Variants in AGAP1 observed in about 807,000 individuals in gnomAD.
AGAP1 encodes arf-GAP with GTPase, ANK repeat and PH domain-containing protein 1.
In AGAP1, 29 loss-of-function variants were observed where a neutral mutation model predicts 105.3. The observed-to-expected ratio is 0.28, with a 90% CI of 0.21 to 0.38. AGAP1 has a LOEUF of 0.38. AGAP1 is among the 10% of genes least tolerant of loss of function. The pLI, the probability that AGAP1 is intolerant of heterozygous loss-of-function variation, is 1.00. For missense variants in AGAP1, 998 were observed against 1,165.1 expected (o/e 0.86, Z 2.09); for synonymous variants, 509 against 485.9 (o/e 1.05, Z -0.63).
At position 236,001,647 on chromosome 2, in the gene AGAP1, G is replaced by A. The variant is rs1475014033; in HGVS notation, c.1645+33024G>A. ...GCCAGGGCCGGGAGACCAGGAGGCC[G>A]AGAGCGGTAGAACGTCACATCCTGG... On this transcript the variant is annotated intron_variant, in intron 13 of 17. Transcript: ENST00000304032. This position sits in a 1 kb window ranked among gnomAD's most constrained non-coding sequence, Gnocchi z 4.7. Among the ~76,000 whole-genome samples the A allele has an allele frequency of 2.6e-5, 4 of 152,158 alleles. No individual in the cohort carries two copies. Among genetic ancestry groups the A allele is most frequent in the East Asian group, 1.9e-4 (1 of 5,158 alleles).
chr2:235,616,493 T>C (rs942886597), intron 1 of AGAP1, among the ~76,000 whole-genome samples: 1 of 152,224 alleles, frequency 6.6e-6, no homozygotes, highest in Non-Finnish European at 1.5e-5. Flanking sequence ...TAAATTGAGA[T>C]AGCCATCTGG....
chr2:235,529,083 C>T (rs1574774685), intron 1 of AGAP1, among the ~76,000 whole-genome samples: 1 of 152,362 alleles, frequency 6.6e-6, no homozygotes, highest in East Asian at 1.9e-4. Context: ...GTCCCCTTGC[C>T]TGAGTCTCTA....
In AGAP1 at chr2:235,908,452, T is replaced by C. The variant is rs1273738319; in HGVS notation, c.1156-286T>C. On this transcript the variant is annotated intron_variant, in intron 10 of 17. Transcript: ENST00000304032. The surrounding 1 kb of genome is among the most constrained non-coding windows in gnomAD (Gnocchi z 4.4). The stretch of plus-strand genomic sequence containing the variant: ...AGAGTTCAAAAAATCAGATTTTGTG[T>C]GTAGACTTACTTCCTAATGACCCTT... Among the ~76,000 whole-genome samples the C allele has an allele frequency of 6.6e-6, 1 of 152,166 alleles. No individual in the cohort carries two copies. The highest frequency in any genetic ancestry group is 2.4e-5 in the African/African-American group (1 of 41,438).
intron 1 of AGAP1, among the ~76,000 whole-genome samples, chr2:235,495,924 C>T (rs1941299018): frequency 6.6e-6 from 1 of 152,200 alleles, no homozygotes; most frequent in Admixed American, 6.5e-5. Context: ...CCGGTAAGAC[C>T]TCTATTGAGG....
chr2:235,500,388 C>T (rs772818684), intron 1 of AGAP1, among the ~76,000 whole-genome samples: 9 of 152,206 alleles, frequency 5.9e-5, no homozygotes, highest in Non-Finnish European at 1.0e-4. Flanking sequence ...TGGAGCAGGA[C>T]GCACGAATGT....
At chr2:235,679,070 C>G (rs1249004425) in intron 1 of AGAP1, among the ~76,000 whole-genome samples, 2 of 152,182 alleles carry the variant, frequency 1.3e-5, no homozygotes, top group African/African-American at 4.8e-5. Context: ...AGAAAGAATG[C>G]TTTTCTGTTG....
chr2:235,541,617 C>T (rs1403037741), intron 1 of AGAP1, among the ~76,000 whole-genome samples: 2 of 151,656 alleles, frequency 1.3e-5, no homozygotes, highest in Admixed American at 6.6e-5. Context: ...TCTCGATCTC[C>T]TGACCTCGTG....
rs1418915755 is a variant in AGAP1 at position 235,934,020 on chromosome 2, C to G, written c.1483+3097C>G. ...GTACAGAAGGATTAAATGTCACTTG[C>G]TCAAAGTCACATCCTGTGAGGGGCC... On this transcript the variant is annotated intron_variant, in intron 12 of 17. Transcript: ENST00000304032. The surrounding 1 kb of genome is among the most constrained non-coding windows in gnomAD (Gnocchi z 4.9). 1.3e-5 allele frequency among the ~76,000 whole-genome samples: 2 copies of G among 152,196 alleles called. No individual in the cohort carries two copies. Among genetic ancestry groups the G allele is most frequent in the Non-Finnish European group, 2.9e-5 (2 of 68,032 alleles).
At position 235,934,462 on chromosome 2, in the gene AGAP1, A is replaced by C. The variant is rs1156664867; in HGVS notation, c.1483+3539A>C. Among the ~76,000 whole-genome samples the C allele has an allele frequency of 6.6e-6, 1 of 152,134 alleles. No homozygotes were observed. The highest frequency in any genetic ancestry group is 2.4e-5 in the African/African-American group (1 of 41,428). Reference sequence around the variant, plus strand: ...CCCCCTTTAGTGTGCTGCTTCGTCAAGTGGCCAGACCCCAGCAATGTTTAG... The same window carrying C: ...CCCCCTTTAGTGTGCTGCTTCGTCACGTGGCCAGACCCCAGCAATGTTTAG... On this transcript the variant is annotated intron_variant, in intron 12 of 17. Transcript: ENST00000304032. This position sits in a 1 kb window ranked among gnomAD's most constrained non-coding sequence, Gnocchi z 4.9.
rs1474709655 is a variant in AGAP1, at chr2:236,044,548, C to G, written c.1891+3707C>G. Reference sequence around the variant, plus strand: ...CCTCTCTCCTGGGCCTTTCTCATGTCTAGAATCCTGCCTTATTTCCCTTTG... The same window carrying G: ...CCTCTCTCCTGGGCCTTTCTCATGTGTAGAATCCTGCCTTATTTCCCTTTG... On this transcript the variant is annotated intron_variant, in intron 15 of 17. Coordinates refer to ENST00000304032, the MANE Select transcript of AGAP1 (RefSeq NM_001037131.3). The surrounding 1 kb of genome is among the most constrained non-coding windows in gnomAD (Gnocchi z 5.7). 6.6e-6 allele frequency among the ~76,000 whole-genome samples: 1 copy of G among 152,120 alleles called. No homozygotes were observed. The highest frequency in any genetic ancestry group is 2.4e-5 in the African/African-American group (1 of 41,402).
At chr2:235,863,239 C>G (rs1219721527) in intron 9 of AGAP1, among the ~76,000 whole-genome samples, 1 of 152,208 alleles carries the variant, frequency 6.6e-6, no homozygotes, top group Admixed American at 6.5e-5. Context: ...CTGGGAAGCC[C>G]TGTCAAATGG....
Position 235,670,656 on chromosome 2 carries a change from GCGACGAGGCCGC to G in AGAP1, c.164-38522_164-38511del, listed in dbSNP as rs1948351853. 7 of 644,036 alleles carry G rather than the reference GCGACGAGGCCGC, an allele frequency of 1.1e-5. No individual in the cohort carries two copies. In the East Asian group the frequency reaches 2.3e-4, roughly 21 times the overall value. 39.9% of individuals were successfully genotyped at this position (644,036 alleles called of 1,614,324 possible). A position where few individuals can be genotyped will look rare whatever the true frequency, so the allele number is the denominator to read the frequency against. On this transcript the variant is annotated intron_variant, in intron 1 of 17. Coordinates refer to ENST00000304032, the MANE Select transcript of AGAP1 (RefSeq NM_001037131.3). The stretch of plus-strand genomic sequence containing the variant: ...TCCGGGAGCCTGGCCTGGGCGCCGT[GCGACGAGGCCGC>G]GGCCGGGACCACCCTGGAGCCCGCG...
In AGAP1 at chr2:235,883,221, C is replaced by T. The variant is rs575842672; in HGVS notation, c.1051-124C>T. 5.6e-5 allele frequency: 40 copies of T among 720,666 alleles called. No individual in the cohort carries two copies. Among genetic ancestry groups the T allele is most frequent in the Non-Finnish European group, 9.3e-5 (39 of 419,974 alleles). The allele number at this position is 720,666 out of a possible 1,614,324, so 44.6% of individuals were successfully genotyped here. Reference sequence around the variant, plus strand: ...AACTAATGGCATATCTTTTAGCATTCGCCAGTATCACAGAGTGAAGTTCTG... The same window carrying T: ...AACTAATGGCATATCTTTTAGCATTTGCCAGTATCACAGAGTGAAGTTCTG... On this transcript the variant is annotated intron_variant, in intron 9 of 17. Transcript: ENST00000304032. The surrounding 1 kb of genome is among the most constrained non-coding windows in gnomAD (Gnocchi z 4.5).
chr2:235,867,535 C>CAG lies in AGAP1; in HGVS notation c.1051-15809_1051-15808dup, dbSNP rs2049230808. Among the ~76,000 whole-genome samples, 1 of 40,172 alleles carries CAG rather than the reference C, an allele frequency of 2.5e-5. No individual in the cohort carries two copies. The highest frequency in any genetic ancestry group is 4.9e-5 in the Non-Finnish European group (1 of 20,576). 26.4% of individuals were successfully genotyped at this position (40,172 alleles called of 152,430 possible). ...GATCATACACCTTATGCTGGTGCTGCAGTGTGTGTGTGTGTGTGTGTGTGT... is the reference window on the plus strand; with the variant it reads ...GATCATACACCTTATGCTGGTGCTGCAGAGTGTGTGTGTGTGTGTGTGTGTGT... On this transcript the variant is annotated intron_variant, in intron 9 of 17. Coordinates refer to ENST00000304032, the MANE Select transcript of AGAP1 (RefSeq NM_001037131.3). The surrounding 1 kb of genome is among the most constrained non-coding windows in gnomAD (Gnocchi z 5.4).
chr2:235,769,684 A>G lies in AGAP1; in HGVS notation c.673+19196A>G, dbSNP rs185709600. On this transcript the variant is annotated intron_variant, in intron 6 of 17. Transcript: ENST00000304032. This position sits in a 1 kb window ranked among gnomAD's most constrained non-coding sequence, Gnocchi z 4.4. ...ATTGCTGTAAAATATCGTGGTCAAA[A>G]TCTCGGGGAGGCAGTGAAAAAAAAA... 2.2e-3 allele frequency among the ~76,000 whole-genome samples: 330 copies of G among 152,188 alleles called. 2 individuals carry two copies. Among genetic ancestry groups the G allele is most frequent in the South Asian group, 6.2e-3 (30 of 4,808 alleles).
At chr2:235,861,093 T>G (rs1208528211) in intron 9 of AGAP1, among the ~76,000 whole-genome samples, 1 of 152,228 alleles carries the variant, frequency 6.6e-6, no homozygotes, top group Non-Finnish European at 1.5e-5. Context: ...ATATATAGTA[T>G]GTACTGTGTG....
intron 11 of AGAP1, among the ~76,000 whole-genome samples, chr2:235,917,195 G>A (rs1234564668): frequency 6.6e-6 from 1 of 151,744 alleles, no homozygotes; most frequent in South Asian, 2.1e-4. Context: ...GGCCCCCAGC[G>A]GTTTCGAAAT....
chr2:235,708,712 C>T (rs1208279732), intron 1 of AGAP1, among the ~76,000 whole-genome samples: 3 of 152,128 alleles, frequency 2.0e-5, no homozygotes, highest in Non-Finnish European at 4.4e-5. Flanking sequence ...ATACTTTTTG[C>T]TGTGTGTGTG....
In AGAP1 at chr2:236,126,497, G is replaced by A. The variant is rs974477923; in HGVS notation, c.*2375G>A. 2 of 152,270 alleles carry A rather than the reference G, an allele frequency of 1.3e-5. No homozygotes were observed. Among genetic ancestry groups the A allele is most frequent in the South Asian group, 2.1e-4 (1 of 4,816 alleles). The allele number at this position is 152,270 out of a possible 1,614,324, so 9.4% of individuals were successfully genotyped here. On this transcript the variant is annotated 3_prime_UTR_variant, in exon 18 of 18. Transcript: ENST00000304032. Reference sequence around the variant, plus strand: ...GGAACTCCTTGAGGCTTCTCTTTGGGATGTATATGAGCGTGTACATATTAT... The same window carrying A: ...GGAACTCCTTGAGGCTTCTCTTTGGAATGTATATGAGCGTGTACATATTAT...
Sources: allele counts gnomAD v4.1 joint callset (sites outside exome capture counted in the v4.1 genomes callset), GRCh38; gene constraint gnomAD v4.1.1; non-coding constraint Gnocchi (gnomAD v3.1); transcripts MANE v1.5; gene names NCBI Gene and HGNC (gene_info 2026-07-23, HGNC 2026-07-21).